CDYL2: variants seen among roughly 807,000 people sequenced by gnomAD.
CDYL2 encodes the protein chromodomain Y-like protein 2.
A neutral mutation model predicts 49.4 loss-of-function variants in CDYL2; 23 were observed. The observed-to-expected ratio is 0.47, with a 90% CI of 0.34 to 0.66. CDYL2 has a LOEUF of 0.66. CDYL2 is among the 30% of genes least tolerant of loss of function. CDYL2 has a pLI of 0.01. For synonymous variants in CDYL2, 360 were observed against 268.8 expected, an observed-to-expected ratio of 1.34 and a Z score of -3.32; for missense variants, 678 against 656.4, an observed-to-expected ratio of 1.03 and a Z score of -0.36.
intron 1 of CDYL2, among the ~76,000 whole-genome samples, chr16:80,787,213 G>T (rs1268923814): frequency 6.6e-6 from 1 of 152,160 alleles, no homozygotes; most frequent in Non-Finnish European, 1.5e-5. Flanking sequence ...CCACAAGAAA[G>T]AAATGAGTGC....
intron 1 of CDYL2, chr16:80,736,601 G>A (rs1905540898): frequency 1.3e-5 from 2 of 152,162 alleles, no homozygotes. Context: ...TCAGATGTCT[G>A]AGTTCAAAAA....
intron 1 of CDYL2, among the ~76,000 whole-genome samples, chr16:80,705,106 G>A (rs1041105579): frequency 2.6e-5 from 4 of 152,220 alleles, no homozygotes; most frequent in Non-Finnish European, 5.9e-5. Flanking sequence ...TTATTGCTCA[G>A]CCATCCCTCT....
chr16:80,762,833 T>C (rs899338917), intron 1 of CDYL2, among the ~76,000 whole-genome samples: 1 of 152,132 alleles, frequency 6.6e-6, no homozygotes, highest in Non-Finnish European at 1.5e-5. Flanking sequence ...TGTCCCTAAA[T>C]GCAAGAAGAC....
intron 2 of CDYL2, among the ~76,000 whole-genome samples, chr16:80,659,469 T>C (rs1341157061): frequency 6.6e-6 from 1 of 152,170 alleles, no homozygotes; most frequent in Non-Finnish European, 1.5e-5. Flanking sequence ...TTAACTACAT[T>C]GTGTTTACTT....
At position 80,797,567 on chromosome 16, in the gene CDYL2, T is replaced by A. The variant is rs145809693; in HGVS notation, c.24+6583A>T. On this transcript the variant is annotated intron_variant, in intron 1 of 6. Transcript: ENST00000570137. The stretch of plus-strand genomic sequence containing the variant: ...TCACCCTTCTATCCTTACCTTTTTT[T>A]TTCCAGCATACCTGGTACTCTCAGA... Among the ~76,000 whole-genome samples, 989 of 152,300 alleles carry A rather than the reference T, an allele frequency of 6.5e-3. 6 individuals are homozygous for A. The highest frequency in any genetic ancestry group is 0.012 in the Non-Finnish European group (816 of 68,018).
chr16:80,682,144 G>A (rs543682428), intron 2 of CDYL2, among the ~76,000 whole-genome samples: 1 of 152,282 alleles, frequency 6.6e-6, no homozygotes, highest in African/African-American at 2.4e-5. Context: ...TGCAGAATCT[G>A]AGAACCAGTG....
At chr16:80,713,347 A>C (rs1904684865) in intron 1 of CDYL2, among the ~76,000 whole-genome samples, 1 of 152,236 alleles carries the variant, frequency 6.6e-6, no homozygotes, top group African/African-American at 2.4e-5. Context: ...ACTCAATCAG[A>C]TTGTCACATG....
intron 3 of CDYL2, 104 bp from the exon 4 acceptor site, chr16:80,621,039 G>T: frequency 7.7e-7 from 1 of 1,305,880 alleles, no homozygotes; most frequent in Non-Finnish European, 1.0e-6. Context: ...GAGGGTAGAG[G>T]CCAGGGAATC....
At chr16:80,707,057 C>A (rs1485541674) in intron 1 of CDYL2, among the ~76,000 whole-genome samples, 1 of 152,164 alleles carries the variant, frequency 6.6e-6, no homozygotes, top group Non-Finnish European at 1.5e-5. Context: ...GCAGTGAACA[C>A]CCCACATCCA....
intron 1 of CDYL2, among the ~76,000 whole-genome samples, chr16:80,760,461 A>G (rs994746792): frequency 1.3e-5 from 2 of 152,212 alleles, no homozygotes; most frequent in African/African-American, 4.8e-5. Flanking sequence ...ACGTAATTGT[A>G]CATTTTAAAA....
At chr16:80,799,387 A>T (rs1907859015) in intron 1 of CDYL2, among the ~76,000 whole-genome samples, 2 of 152,132 alleles carry the variant, frequency 1.3e-5, no homozygotes, top group Admixed American at 1.3e-4. Context: ...TTGTTTTCTT[A>T]ACTATATCTC....
chr16:80,610,846 T>A (rs1906562527), intron 5 of CDYL2, among the ~76,000 whole-genome samples: 1 of 152,156 alleles, frequency 6.6e-6, no homozygotes, highest in African/African-American at 2.4e-5. Flanking sequence ...CTATGACCTA[T>A]GACATCTGCT....
chr16:80,721,906 G>A (rs1905010952), intron 1 of CDYL2, among the ~76,000 whole-genome samples: 1 of 152,028 alleles, frequency 6.6e-6, no homozygotes, highest in Non-Finnish European at 1.5e-5. Flanking sequence ...GCAAATTCAG[G>A]GACTGTATTC....
chr16:80,774,997 G>T (rs1215632609), intron 1 of CDYL2, among the ~76,000 whole-genome samples: 1 of 151,534 alleles, frequency 6.6e-6, no homozygotes, highest in Non-Finnish European at 1.5e-5. Flanking sequence ...TCACCAAAAA[G>T]ATTTATTTCT....
intron 2 of CDYL2, among the ~76,000 whole-genome samples, chr16:80,667,185 G>A (rs968475568): frequency 3.3e-5 from 5 of 152,204 alleles, no homozygotes; most frequent in African/African-American, 1.2e-4. Context: ...GAGGCATTCA[G>A]ACAGAGGGAG....
chr16:80,704,979 C>T (rs1431715794), intron 1 of CDYL2, among the ~76,000 whole-genome samples: 1 of 152,208 alleles, frequency 6.6e-6, no homozygotes, highest in Non-Finnish European at 1.5e-5. Flanking sequence ...GCTTGACATG[C>T]TTATTGTCCA....
intron 1 of CDYL2, among the ~76,000 whole-genome samples, chr16:80,783,967 T>C (rs1431155984): frequency 1.3e-5 from 2 of 152,348 alleles, no homozygotes; most frequent in East Asian, 3.9e-4. Context: ...GAAAATGTTC[T>C]GGAACTAGAC....
chr16:80,723,301 T>C (rs533099921), intron 1 of CDYL2, among the ~76,000 whole-genome samples: 2 of 152,356 alleles, frequency 1.3e-5, no homozygotes, highest in African/African-American at 4.8e-5. Context: ...AGAAGGGTTG[T>C]ATTAAGTAAA....
intron 1 of CDYL2, among the ~76,000 whole-genome samples, chr16:80,711,108 T>C (rs146431644): frequency 2.8e-4 from 43 of 152,332 alleles, no homozygotes; most frequent in Non-Finnish European, 5.4e-4. Context: ...GTAAAGGTTG[T>C]GCTACGCGAC....
Sources: allele counts gnomAD v4.1 joint callset (sites outside exome capture counted in the v4.1 genomes callset), GRCh38; gene constraint gnomAD v4.1.1; transcripts MANE v1.5; gene names NCBI Gene and HGNC (gene_info 2026-07-23, HGNC 2026-07-21).